NRXN1: variants seen among roughly 807,000 people sequenced by gnomAD.
NRXN1 encodes the protein neurexin-1.
A neutral mutation model predicts 150.9 loss-of-function variants in NRXN1; 39 were observed. That is an observed-to-expected ratio of 0.26 (90% confidence interval 0.20 to 0.34). The LOEUF (loss-of-function observed/expected upper bound fraction) is 0.34. NRXN1 is among the 10% of genes least tolerant of loss of function. The probability of loss-of-function intolerance (pLI) is 1.00; values close to 1 mark genes in which losing one functional copy is unlikely to be tolerated. For synonymous variants in NRXN1, 924 were observed against 757.0 expected (o/e 1.22, Z -3.62); for missense variants, 1,815 against 1,949.9 (o/e 0.93, Z 1.30).
At chr2:50,219,936 T>A (rs142530320) in intron 18 of NRXN1, among the ~76,000 whole-genome samples, 1,575 of 93,756 alleles carry the variant, frequency 0.017, 67 homozygotes, top group African/African-American at 0.074. Context: ...ATTATATATA[T>A]TATATATTAT....
At chr2:50,812,648 G>A (rs1428736883) in intron 5 of NRXN1, among the ~76,000 whole-genome samples, 1 of 150,416 alleles carries the variant, frequency 6.6e-6, no homozygotes. Flanking sequence ...CTTTCATTTG[G>A]CTATATATAA....
At chr2:50,423,084 A>T (rs2084127265) in intron 17 of NRXN1, among the ~76,000 whole-genome samples, 1 of 152,180 alleles carries the variant, frequency 6.6e-6, no homozygotes, top group African/African-American at 2.4e-5. Flanking sequence ...TTCCACATTG[A>T]ATCCTTGACA....
At chr2:50,402,990 G>C (rs763847649) in intron 17 of NRXN1, among the ~76,000 whole-genome samples, 3 of 152,016 alleles carry the variant, frequency 2.0e-5, no homozygotes, top group Non-Finnish European at 4.4e-5. Flanking sequence ...TTAATGTAAG[G>C]GTGCGGATTG....
At chr2:50,357,488 A>C (rs991449659) in intron 17 of NRXN1, among the ~76,000 whole-genome samples, 2 of 151,860 alleles carry the variant, frequency 1.3e-5, no homozygotes, top group African/African-American at 4.8e-5. Flanking sequence ...TTGTATTTTT[A>C]GTAGAGATGG....
intron 2 of NRXN1, among the ~76,000 whole-genome samples, chr2:51,010,556 G>A (rs1667681184): frequency 6.6e-6 from 1 of 151,916 alleles, no homozygotes; most frequent in African/African-American, 2.4e-5. Context: ...CAGACAACAT[G>A]CAATGAGTAC....
At position 50,236,964 on chromosome 2, in the gene NRXN1, G is replaced by A. The variant is rs1453129845; in HGVS notation, c.3371C>T (p.Thr1124Met). Residue 1124 changes from threonine (T) to methionine (M), a missense_variant, in exon 18 of 23, where the codon ACG becomes ATG. Physicochemically the swap from Thr to Met is moderately conservative, Grantham distance 81 (BLOSUM62 -1). Coordinates refer to ENST00000401669, the MANE Select transcript of NRXN1 (RefSeq NM_001330078.2). The part of the protein sequence containing the change: ...FSGPLCNDPG[T>M]TYIFSKGGGQ... ...ACCACCTTTGCTAAAGATATATGTC[G>A]TCCCAGCTGGAAAACAAAAACCAAA... 4.3e-5 allele frequency: 70 copies of A among 1,612,758 alleles called. No homozygotes were observed. Among genetic ancestry groups the A allele is most frequent in the Admixed American group, 1.0e-4 (6 of 59,844 alleles).
At chr2:50,481,914 C>T (rs1452906381) in intron 15 of NRXN1, among the ~76,000 whole-genome samples, 1 of 145,148 alleles carries the variant, frequency 6.9e-6, no homozygotes, top group Non-Finnish European at 1.5e-5. Flanking sequence ...TACAGGCGCC[C>T]GCCACTACGC....
In NRXN1 at chr2:50,807,715, G is replaced by T. The variant is rs563494116; in HGVS notation, c.832+114154C>A. On this transcript the variant is annotated intron_variant, in intron 5 of 22. Coordinates refer to ENST00000401669, the MANE Select transcript of NRXN1 (RefSeq NM_001330078.2). ...CCTAACAATGATTCTGCTTATCTTG[G>T]CGTTGTGTCACTACCCTTAGCTATA... Among the ~76,000 whole-genome samples the T allele has an allele frequency of 3.4e-4, 51 of 152,092 alleles. No homozygotes were observed. In the South Asian group the frequency reaches 8.9e-3, roughly 27 times the overall value.
chr2:50,160,602 T>A (rs1167985154), intron 18 of NRXN1, among the ~76,000 whole-genome samples: 2 of 151,636 alleles, frequency 1.3e-5, no homozygotes, highest in East Asian at 1.9e-4. Context: ...TACAGAAAAA[T>A]TTATAATAAG....
chr2:50,633,519 T>G (rs1050848798), intron 5 of NRXN1, among the ~76,000 whole-genome samples: 1 of 149,578 alleles, frequency 6.7e-6, no homozygotes, highest in Admixed American at 6.7e-5. Context: ...TTATTTTGTT[T>G]TGTTTTTTTT....
intron 12 of NRXN1, among the ~76,000 whole-genome samples, chr2:50,526,975 C>G (rs959314388): frequency 6.6e-6 from 1 of 152,106 alleles, no homozygotes; most frequent in African/African-American, 2.4e-5. Flanking sequence ...GGTAATTATA[C>G]TATAAACATA....
At chr2:50,069,812 G>C (rs767059930) in intron 19 of NRXN1, among the ~76,000 whole-genome samples, 4 of 151,260 alleles carry the variant, frequency 2.6e-5, no homozygotes, top group Non-Finnish European at 4.4e-5. Flanking sequence ...AGAGGAGGAA[G>C]GCAGACATAG....
intron 21 of NRXN1, among the ~76,000 whole-genome samples, chr2:50,014,109 T>G (rs1220113564): frequency 2.6e-5 from 4 of 151,882 alleles, no homozygotes; most frequent in East Asian, 3.9e-4. Flanking sequence ...TTTTTTTGTT[T>G]TTGTTTTTGT....
chr2:50,682,424 T>C (rs570036963), intron 5 of NRXN1, among the ~76,000 whole-genome samples: 38 of 152,270 alleles, frequency 2.5e-4, no homozygotes, highest in African/African-American at 9.1e-4. Context: ...ACACAGAATC[T>C]GGTAATAGTC....
intron 5 of NRXN1, among the ~76,000 whole-genome samples, chr2:50,897,212 T>C (rs767480267): frequency 3.9e-5 from 6 of 152,190 alleles, no homozygotes; most frequent in Non-Finnish European, 8.8e-5. Context: ...TAAGTATAAT[T>C]GCAGTATAAG....
intron 5 of NRXN1, among the ~76,000 whole-genome samples, chr2:50,636,077 G>C (rs935542366): frequency 6.6e-6 from 1 of 151,898 alleles, no homozygotes; most frequent in Non-Finnish European, 1.5e-5. Context: ...AGAATATCAC[G>C]ATGCCCAACA....
At chr2:50,111,022 C>T (rs1313062362) in intron 18 of NRXN1, among the ~76,000 whole-genome samples, 1 of 152,014 alleles carries the variant, frequency 6.6e-6, no homozygotes, top group African/African-American at 2.4e-5. Context: ...TTATTTAAAA[C>T]TTTAAGGTGC....
At chr2:50,829,534 T>C (rs1574629177) in intron 5 of NRXN1, 1 of 1,610,360 alleles carries the variant, frequency 6.2e-7, no homozygotes, top group East Asian at 2.2e-5. Flanking sequence ...GCGATGGCCT[T>C]ATAAGGGATC....
chr2:50,131,388 T>G (rs1186727965), intron 18 of NRXN1, among the ~76,000 whole-genome samples: 3 of 152,164 alleles, frequency 2.0e-5, no homozygotes, highest in African/African-American at 7.2e-5. Context: ...TTGGTCAGTT[T>G]ATCTCTTCAA....
Sources: gnomAD v4.1 joint callset for allele counts (sites outside exome capture counted in the v4.1 genomes callset) on GRCh38, gnomAD v4.1.1 for gene constraint, MANE v1.5 for transcripts, NCBI Gene and HGNC (gene_info 2026-07-23, HGNC 2026-07-21) for gene names.